Variants in UTS2 observed in about 807,000 individuals in gnomAD.
UTS2 encodes urotensin 2, also known as urotensin-2.
In UTS2, 10 loss-of-function variants were observed where a neutral mutation model predicts 12.6. The observed-to-expected ratio is 0.80, with a 90% CI of 0.49 to 1.35. The LOEUF is 1.35. Among genes scored for constraint, UTS2 ranks in the 40% most tolerant of loss-of-function variants. The pLI, the probability that UTS2 is intolerant of heterozygous loss-of-function variation, is 0.00. For synonymous variants in UTS2, 52 were observed against 50.0 expected (o/e 1.04, Z -0.17); for missense variants, 142 against 143.2 (o/e 0.99, Z 0.04).
At chr1:7,899,593 AC>A in the UTS2 span, among the ~76,000 whole-genome samples, 1 of 152,186 alleles carries the variant, frequency 6.6e-6, no homozygotes, top group African/African-American at 2.4e-5. Context: ...TGCAGCCTCA[AC>A]CTTCCCAGGC....
At chr1:7,850,115 G>A (rs1392830887) in intron 2 of UTS2, among the ~76,000 whole-genome samples, 3 of 151,820 alleles carry the variant, frequency 2.0e-5, no homozygotes, top group Admixed American at 2.0e-4. Flanking sequence ...GATTACAGGT[G>A]CCCGCCACCA....
chr1:7,848,030 A>G (rs867214260), intron 3 of UTS2, 148 bp from the exon 4 acceptor site: 2 of 643,980 alleles, frequency 3.1e-6, no homozygotes, highest in Non-Finnish European at 2.7e-6. Context: ...AATTGTAACA[A>G]GAGTGTCCCG....
chr1:7,895,958 A>G, the UTS2 span, among the ~76,000 whole-genome samples: 1 of 152,212 alleles, frequency 6.6e-6, no homozygotes, highest in Non-Finnish European at 1.5e-5. Flanking sequence ...GCTAAACCCT[A>G]GATGCAACAT....
chr1:7,867,881 T>G, the UTS2 span, among the ~76,000 whole-genome samples: 47 of 151,894 alleles, frequency 3.1e-4, 1 homozygote, highest in African/African-American at 1.0e-3. Flanking sequence ...GTCTCAAAAA[T>G]AAATAAATAA....
chr1:7,872,931 T>C, the UTS2 span, among the ~76,000 whole-genome samples: 3 of 152,154 alleles, frequency 2.0e-5, no homozygotes, highest in African/African-American at 7.2e-5. Flanking sequence ...GCCGACTCCA[T>C]TGTTAGGAGC....
At chr1:7,886,442 G>C in the UTS2 span, among the ~76,000 whole-genome samples, 2 of 152,160 alleles carry the variant, frequency 1.3e-5, no homozygotes, top group Non-Finnish European at 2.9e-5. Context: ...TATTTTGAAT[G>C]AGTAGTACTT....
the UTS2 span, among the ~76,000 whole-genome samples, chr1:7,873,979 G>A: frequency 2.0e-5 from 3 of 151,924 alleles, no homozygotes; most frequent in East Asian, 3.9e-4. Flanking sequence ...GTGACCAGAG[G>A]CATCCAGCAC....
the UTS2 span, among the ~76,000 whole-genome samples, chr1:7,873,549 G>T: frequency 6.6e-6 from 1 of 152,228 alleles, no homozygotes; most frequent in Non-Finnish European, 1.5e-5. Flanking sequence ...AGGAACTGCA[G>T]ATGTGGTGGA....
the UTS2 span, among the ~76,000 whole-genome samples, chr1:7,890,755 G>A: frequency 6.8e-6 from 1 of 147,168 alleles, no homozygotes; most frequent in Non-Finnish European, 1.5e-5. Flanking sequence ...AATGAACCAG[G>A]CATGGTGGCA....
At chr1:7,887,756 T>C in the UTS2 span, among the ~76,000 whole-genome samples, 1 of 119,360 alleles carries the variant, frequency 8.4e-6, no homozygotes, top group Non-Finnish European at 1.7e-5. Context: ...ACCCTGTCTC[T>C]AAAAGGAAAA....
chr1:7,903,839 C>A, the UTS2 span, among the ~76,000 whole-genome samples: 15 of 152,134 alleles, frequency 9.9e-5, no homozygotes, highest in Admixed American at 7.9e-4. Context: ...AGAGCCACAG[C>A]CCCTTCAGAA....
chr1:7,906,511 A>AGAGG, the UTS2 span, among the ~76,000 whole-genome samples: 1 of 47,762 alleles, frequency 2.1e-5, no homozygotes, highest in African/African-American at 6.6e-5. Context: ...AAGAAAGAAA[A>AGAGG]GAGGGAGGGA....
chr1:7,889,568 G>C, the UTS2 span, among the ~76,000 whole-genome samples: 1 of 152,204 alleles, frequency 6.6e-6, no homozygotes, highest in South Asian at 2.1e-4. Flanking sequence ...ACTTTGGGAG[G>C]CCAAGGCAGA....
the UTS2 span, among the ~76,000 whole-genome samples, chr1:7,877,150 AAAAGAAACATGAAAAAAC>A: frequency 2.1e-5 from 3 of 146,320 alleles, no homozygotes; most frequent in East Asian, 3.9e-4. Context: ...AAAGAAAAAA[AAAAGAAACATGAAAAAAC>A]AAGAAACATG....
At chr1:7,888,308 T>G in the UTS2 span, among the ~76,000 whole-genome samples, 1 of 152,218 alleles carries the variant, frequency 6.6e-6, no homozygotes, top group South Asian at 2.1e-4. Flanking sequence ...AAAACAGCAC[T>G]GAGCATTTTC....
the UTS2 span, among the ~76,000 whole-genome samples, chr1:7,904,828 C>T: frequency 3.0e-5 from 4 of 131,890 alleles, no homozygotes; most frequent in Non-Finnish European, 6.2e-5. Context: ...CGCTTGAACC[C>T]GGGAGGCAGA....
At chr1:7,884,748 C>CCATCT in the UTS2 span, among the ~76,000 whole-genome samples, 2 of 152,130 alleles carry the variant, frequency 1.3e-5, no homozygotes, top group Non-Finnish European at 2.9e-5. Context: ...TTTATCCACT[C>CCATCT]CATCTTTCGC....
At chr1:7,874,430 C>T in the UTS2 span, among the ~76,000 whole-genome samples, 1 of 152,352 alleles carries the variant, frequency 6.6e-6, no homozygotes, top group African/African-American at 2.4e-5. Flanking sequence ...CCTGCATCTC[C>T]ACATCCATGG....
chr1:7,855,871 T>G (rs918386696), upstream of UTS2, among the ~76,000 whole-genome samples: 5 of 151,642 alleles, frequency 3.3e-5, no homozygotes, highest in African/African-American at 7.3e-5. Flanking sequence ...GCTAGTTTTT[T>G]TTTTTTCAGA....
Sources: allele counts gnomAD v4.1 joint callset (sites outside exome capture counted in the v4.1 genomes callset), GRCh38; gene constraint gnomAD v4.1.1; transcripts MANE v1.5; gene names NCBI Gene and HGNC (gene_info 2026-07-23, HGNC 2026-07-21).